MICAL2: variants seen among roughly 807,000 people sequenced by gnomAD.
The protein encoded by MICAL2 is microtubule associated monooxygenase, calponin and LIM domain containing 2, also known as [F-actin]-monooxygenase MICAL2.
Under a neutral mutation model 127.3 loss-of-function variants are expected in MICAL2, and 77 were observed. The ratio of observed to expected loss-of-function variants is 0.60; its 90% CI spans 0.50 to 0.73. The LOEUF is 0.73. Ranked by LOEUF, MICAL2 falls within the 30% of genes least tolerant of loss-of-function variation. MICAL2 has a pLI of 0.00. For missense variants in MICAL2, 1,351 were observed against 1,434.4 expected (o/e 0.94, Z 0.94); for synonymous variants, 570 against 551.1 (o/e 1.03, Z -0.48).
At chr11:12,249,517 A>G (rs537264124) in intron 22 of MICAL2, among the ~76,000 whole-genome samples, 53 of 152,340 alleles carry the variant, frequency 3.5e-4, no homozygotes, top group African/African-American at 1.3e-3. Flanking sequence ...AGCCCTGGGC[A>G]TATGGCCGAG....
At chr11:12,190,549 C>T (rs1055447972) in intron 3 of MICAL2, among the ~76,000 whole-genome samples, 6 of 152,164 alleles carry the variant, frequency 3.9e-5, no homozygotes, top group African/African-American at 1.2e-4. Context: ...CCCCTGACCC[C>T]AAAACTTGTG....
intron 1 of MICAL2, among the ~76,000 whole-genome samples, chr11:12,115,511 G>A (rs1422171144): frequency 1.3e-5 from 2 of 151,950 alleles, no homozygotes; most frequent in Non-Finnish European, 2.9e-5. Flanking sequence ...TAGAGACAAA[G>A]TCTTGCTATG....
chr11:12,249,372 C>G, intron 22 of MICAL2, 126 bp downstream of exon 22: 2 of 630,160 alleles, frequency 3.2e-6, no homozygotes, highest in Non-Finnish European at 5.8e-6. Context: ...CACCAGGGGA[C>G]GAAGGTGGGC....
chr11:12,147,934 C>T (rs1380990504), intron 2 of MICAL2, among the ~76,000 whole-genome samples: 1 of 152,170 alleles, frequency 6.6e-6, no homozygotes, highest in Non-Finnish European at 1.5e-5. Flanking sequence ...GCGAATCTGC[C>T]CGACAGCCAG....
At chr11:12,258,363 G>A (rs186578537) in intron 24 of MICAL2, 105 bp from the exon 25 acceptor site, 66 of 862,282 alleles carry the variant, frequency 7.7e-5, no homozygotes, top group Non-Finnish European at 1.0e-4. Context: ...TATTTCCATC[G>A]TTACTATTTT....
At chr11:12,332,684 C>T (rs1201274062) in intron 32 of MICAL2, among the ~76,000 whole-genome samples, 1 of 152,156 alleles carries the variant, frequency 6.6e-6, no homozygotes, top group Non-Finnish European at 1.5e-5. Flanking sequence ...CCAGATGGCA[C>T]CTGTGCGTGC....
chr11:12,179,010 C>T (rs2133932889), intron 3 of MICAL2, among the ~76,000 whole-genome samples: 1 of 152,296 alleles, frequency 6.6e-6, no homozygotes, highest in South Asian at 2.1e-4. Context: ...CTGCCAGCCT[C>T]TGGGCTCTCT....
chr11:12,287,884 C>T (rs777580775), downstream of MICAL2, among the ~76,000 whole-genome samples: 21 of 152,148 alleles, frequency 1.4e-4, no homozygotes, highest in Non-Finnish European at 2.4e-4. Flanking sequence ...CCAGGCTCAT[C>T]GCTGCCTTCC....
chr11:12,186,857 T>C (rs538633256), intron 3 of MICAL2, among the ~76,000 whole-genome samples: 1 of 152,290 alleles, frequency 6.6e-6, no homozygotes, highest in Non-Finnish European at 1.5e-5. Context: ...CAGAGCTGTC[T>C]CTTCCTGAAG....
At chr11:12,174,045 A>C (rs1325519514) in intron 3 of MICAL2, among the ~76,000 whole-genome samples, 1 of 152,172 alleles carries the variant, frequency 6.6e-6, no homozygotes, top group African/African-American at 2.4e-5. Context: ...GCTAAATTTT[A>C]GTCAGAAATA....
chr11:12,203,102 C>G (rs1344104825), intron 3 of MICAL2, among the ~76,000 whole-genome samples: 1 of 152,180 alleles, frequency 6.6e-6, no homozygotes, highest in Non-Finnish European at 1.5e-5. Flanking sequence ...GAATTTCTTT[C>G]CTTTTCATGG....
chr11:12,273,647 G>A (rs1444900808), upstream of MICAL2, among the ~76,000 whole-genome samples: 1 of 151,978 alleles, frequency 6.6e-6, no homozygotes, highest in African/African-American at 2.4e-5. Context: ...TACAGTTTGG[G>A]AAGAGATTGT....
downstream of MICAL2, among the ~76,000 whole-genome samples, chr11:12,268,042 G>A (rs1017587137): frequency 5.3e-5 from 8 of 152,150 alleles, no homozygotes; most frequent in African/African-American, 1.9e-4. Context: ...GCACATAGTG[G>A]GCCCTCAAAA....
chr11:12,213,491 T>C (rs1260132820), intron 7 of MICAL2, 81 bp downstream of exon 7: 4 of 1,432,310 alleles, frequency 2.8e-6, no homozygotes, highest in Admixed American at 4.4e-5. Context: ...TGTGCTGGCT[T>C]TCTGGGCTCT....
chr11:12,325,495 C>T (rs1590738394), intron 31 of MICAL2, among the ~76,000 whole-genome samples: 1 of 152,190 alleles, frequency 6.6e-6, no homozygotes, highest in South Asian at 2.1e-4. Flanking sequence ...GCTTAAACAA[C>T]AGAAACTTAT....
At chr11:12,327,193 G>A (rs774455093) in exon 32 of MICAL2, 2 of 1,551,664 alleles carry the variant, frequency 1.3e-6, no homozygotes, top group East Asian at 4.9e-5. Context: ...GGCAGCTGGA[G>A]GAGGTGGAGG....
At chr11:12,159,845 T>C (rs924304775) in intron 2 of MICAL2, among the ~76,000 whole-genome samples, 6 of 152,194 alleles carry the variant, frequency 3.9e-5, no homozygotes, top group African/African-American at 1.4e-4. Flanking sequence ...GCAGTGTTTA[T>C]GTGAGTCATG....
At chr11:12,303,090 C>G (rs1013771294) in intron 29 of MICAL2, among the ~76,000 whole-genome samples, 3 of 152,166 alleles carry the variant, frequency 2.0e-5, no homozygotes, top group African/African-American at 7.2e-5. Context: ...GACTCACTCA[C>G]TATCACAAAA....
At chr11:12,131,529 C>A (rs1402648802) in intron 1 of MICAL2, among the ~76,000 whole-genome samples, 2 of 152,172 alleles carry the variant, frequency 1.3e-5, no homozygotes, top group African/African-American at 4.8e-5. Flanking sequence ...CTGGATTCAG[C>A]CCTGCTGTCT....
Sources: allele counts gnomAD v4.1 joint callset (sites outside exome capture counted in the v4.1 genomes callset), GRCh38; gene constraint gnomAD v4.1.1; transcripts MANE v1.5; gene names NCBI Gene and HGNC (gene_info 2026-07-23, HGNC 2026-07-21).